Variants in KLHL3 observed in about 807,000 individuals in gnomAD.
KLHL3 encodes the protein kelch-like protein 3.
A neutral mutation model predicts 70.5 loss-of-function variants in KLHL3; 19 were observed. That is an observed-to-expected ratio of 0.27 (90% confidence interval 0.19 to 0.40). KLHL3 has a LOEUF of 0.40. Ranked by LOEUF, KLHL3 falls within the 10% of genes least tolerant of loss-of-function variation. The pLI is 1.00. For synonymous variants in KLHL3, 258 were observed against 290.3 expected (o/e 0.89, Z 1.13); for missense variants, 512 against 771.1 (o/e 0.66, Z 3.98).
At chr5:137,668,881 T>C (rs1251997855) in intron 6 of KLHL3, among the ~76,000 whole-genome samples, 1 of 152,156 alleles carries the variant, frequency 6.6e-6, no homozygotes, top group Non-Finnish European at 1.5e-5. Context: ...TTTTAGAATG[T>C]TTTTTAGCGA....
intron 2 of KLHL3, among the ~76,000 whole-genome samples, chr5:137,710,932 G>A (rs1752780787): frequency 6.6e-6 from 1 of 152,172 alleles, no homozygotes; most frequent in Non-Finnish European, 1.5e-5. Context: ...TTTAAATGAA[G>A]GCAGCTGAAG....
chr5:137,621,804 T>A lies in KLHL3; in HGVS notation c.*294A>T. 2.2e-6 allele frequency: 1 copy of A among 459,590 alleles called. No homozygotes were observed. Among genetic ancestry groups the A allele is most frequent in the Non-Finnish European group, 3.9e-6 (1 of 253,222 alleles). 28.5% of individuals were successfully genotyped at this position (459,590 alleles called of 1,614,324 possible). On this transcript the variant is annotated 3_prime_UTR_variant, in exon 15 of 15. Coordinates refer to ENST00000309755, the MANE Select transcript of KLHL3 (RefSeq NM_017415.3). ...CACACACACACACACACACACACACTCCAGGGTCTGTATTGTCCCTGTAGA... is the reference window on the plus strand; with the variant it reads ...CACACACACACACACACACACACACACCAGGGTCTGTATTGTCCCTGTAGA...
chr5:137,670,278 G>C (rs1751720199), intron 6 of KLHL3, among the ~76,000 whole-genome samples: 2 of 151,938 alleles, frequency 1.3e-5, no homozygotes, highest in African/African-American at 4.8e-5. Flanking sequence ...CCACAGCCCA[G>C]GGCAACCTAG....
intron 5 of KLHL3, among the ~76,000 whole-genome samples, chr5:137,689,494 T>C (rs904808548): frequency 2.6e-5 from 4 of 152,276 alleles, no homozygotes; most frequent in Non-Finnish European, 4.4e-5. Flanking sequence ...TACGCAGCCA[T>C]AAAAAAGAAC....
intron 8 of KLHL3, among the ~76,000 whole-genome samples, chr5:137,644,595 A>G (rs1750996863): frequency 1.3e-5 from 2 of 152,324 alleles, no homozygotes; most frequent in South Asian, 4.1e-4. Flanking sequence ...GACACATACA[A>G]CCAACCAATA....
Position 137,692,277 on chromosome 5 carries a change from C to G in KLHL3, c.526+8G>C. The G allele has an allele frequency of 1.2e-6, 2 of 1,609,894 alleles. No homozygotes were observed. Among genetic ancestry groups the G allele is most frequent in the Non-Finnish European group, 1.7e-6 (2 of 1,178,678 alleles). ...CGGAGGAGGTGCAGCAGTCCGGCTC[C>G]CCCTTACCTGCGTAGGCATTGGCCT... On this transcript the variant is annotated splice_region_variant and intron_variant, in intron 5 of 14. Transcript: ENST00000309755.
chr5:137,664,829 T>A (rs970365637), intron 6 of KLHL3, among the ~76,000 whole-genome samples: 5 of 151,828 alleles, frequency 3.3e-5, no homozygotes, highest in African/African-American at 4.8e-5. Context: ...AAAAAAATAA[T>A]AATAATAAAG....
chr5:137,621,733 C>T lies in KLHL3; in HGVS notation c.*365G>A, dbSNP rs1033125136. On this transcript the variant is annotated 3_prime_UTR_variant, in exon 15 of 15. Transcript: ENST00000309755. The stretch of plus-strand genomic sequence containing the variant: ...AAGAAATCCAGTAGACTGTCACACA[C>T]GCTCACCCCCCAACTTAGAGAAACA... 4 of 253,400 alleles carry T rather than the reference C, an allele frequency of 1.6e-5. No homozygotes were observed. The highest frequency in any genetic ancestry group is 1.2e-3 in the Middle Eastern group (1 of 836). 15.7% of individuals were successfully genotyped at this position (253,400 alleles called of 1,614,324 possible).
intron 6 of KLHL3, 111 bp downstream of exon 6, chr5:137,677,434 C>A: frequency 1.5e-6 from 1 of 674,220 alleles, no homozygotes; most frequent in Non-Finnish European, 2.6e-6. Context: ...GCCGACAGAG[C>A]AAGACTCCAT....
At position 137,628,458 on chromosome 5, in the gene KLHL3, T is replaced by A. The variant is rs375304578; in HGVS notation, c.1451-21A>T. On this transcript the variant is annotated intron_variant, in intron 12 of 14. Coordinates refer to ENST00000309755, the MANE Select transcript of KLHL3 (RefSeq NM_017415.3). ...AACCCCTGAAAGGCAGAGCACAGCATCCCAGCCTCATGCTGACTACAGTAA... is the reference window on the plus strand; with the variant it reads ...AACCCCTGAAAGGCAGAGCACAGCAACCCAGCCTCATGCTGACTACAGTAA... The A allele has an allele frequency of 1.4e-4, 224 of 1,613,860 alleles. No individual in the cohort carries two copies. The African/African-American group carries it at 2.6e-3, about 19-fold the overall frequency.
At chr5:137,710,300 G>A (rs1752767569) in intron 2 of KLHL3, among the ~76,000 whole-genome samples, 1 of 152,072 alleles carries the variant, frequency 6.6e-6, no homozygotes, top group African/African-American at 2.4e-5. Context: ...TCCCCCAAGG[G>A]ACCCACTGTA....
At chr5:137,680,074 G>C (rs1751985941) in intron 5 of KLHL3, among the ~76,000 whole-genome samples, 1 of 152,208 alleles carries the variant, frequency 6.6e-6, no homozygotes, top group African/African-American at 2.4e-5. Context: ...GGATGCTCCA[G>C]CTAACTCCAT....
In KLHL3 at chr5:137,720,557, T is replaced by C. The variant is rs2149935267; in HGVS notation, c.42A>G (p.Ile14Met). ...GGTTCTTCTCATCATCCCCAGCCTG[T>C]ATCAGAGTCTGGGAGCTCAGCTTGA... ...ESVKLSSQTL[I>M]QAGDDEKNQR... The change falls in exon 2 of 15, where the codon ATA becomes ATG. Residue 14 changes from isoleucine (I) to methionine (M), a missense_variant. Transcript: ENST00000309755. 1 of 1,614,124 alleles carries C rather than the reference T, an allele frequency of 6.2e-7. No individual in the cohort carries two copies. The highest frequency in any genetic ancestry group is 2.2e-5 in the East Asian group (1 of 44,886).
chr5:137,714,501 C>A (rs1752857425), intron 2 of KLHL3, among the ~76,000 whole-genome samples: 2 of 152,032 alleles, frequency 1.3e-5, no homozygotes, highest in East Asian at 1.9e-4. Flanking sequence ...CATGAATGAA[C>A]CTTAAATGCA....
chr5:137,640,718 A>AG (rs1325433614), intron 8 of KLHL3, among the ~76,000 whole-genome samples: 1 of 133,046 alleles, frequency 7.5e-6, no homozygotes, highest in South Asian at 2.5e-4. Flanking sequence ...TACCTGACAG[A>AG]GGGTGAGGCC....
In KLHL3 at chr5:137,618,973, C is replaced by A. The variant is rs1756318963; in HGVS notation, c.*3125G>T. ...AGGGTGAGAAACAAAAGGAAGAGAG[C>A]TACAGGCATGAACTACGTTTGAGAG... On this transcript the variant is annotated 3_prime_UTR_variant, in exon 15 of 15. Transcript: ENST00000309755. 1 of 150,352 alleles carries A rather than the reference C, an allele frequency of 6.7e-6. No individual in the cohort carries two copies. The highest frequency in any genetic ancestry group is 2.1e-4 in the South Asian group (1 of 4,750). The allele number at this position is 150,352 out of a possible 1,614,324, so 9.3% of individuals were successfully genotyped here.
chr5:137,697,518 T>G (rs1189242625), intron 4 of KLHL3, among the ~76,000 whole-genome samples: 1 of 152,120 alleles, frequency 6.6e-6, no homozygotes, highest in East Asian at 1.9e-4. Flanking sequence ...TAACCACAGT[T>G]TAAAGTGAAG....
At chr5:137,694,983 A>G (rs1454503499) in intron 4 of KLHL3, among the ~76,000 whole-genome samples, 1 of 152,064 alleles carries the variant, frequency 6.6e-6, no homozygotes, top group Non-Finnish European at 1.5e-5. Context: ...GATTTCTGAG[A>G]GTCCAATCTG....
chr5:137,661,099 G>A (rs1451828775), intron 7 of KLHL3: 1 of 152,186 alleles, frequency 6.6e-6, no homozygotes, highest in East Asian at 1.9e-4. Flanking sequence ...GCCATTTACT[G>A]TATAAAATAA....
Sources: gnomAD v4.1 joint callset for allele counts (sites outside exome capture counted in the v4.1 genomes callset) on GRCh38, gnomAD v4.1.1 for gene constraint, MANE v1.5 for transcripts, NCBI Gene and HGNC (gene_info 2026-07-23, HGNC 2026-07-21) for gene names.